The following DDX50 variants were observed in gnomAD, a reference collection of about 807,000 sequenced individuals.
DDX50 encodes DExD-box helicase 50, also known as ATP-dependent RNA helicase DDX50.
A neutral mutation model predicts 94.8 loss-of-function variants in DDX50; 56 were observed. That is an observed-to-expected ratio of 0.59 (90% CI 0.48 to 0.74). The LOEUF (loss-of-function observed/expected upper bound fraction) is 0.74, where lower values mean the gene tolerates loss of function less well. Among genes scored for constraint, DDX50 ranks in the 30% least tolerant of loss-of-function variants. The probability of loss-of-function intolerance (pLI) is 0.00; values close to 1 mark genes in which losing one functional copy is unlikely to be tolerated. For missense variants in DDX50, 713 were observed against 881.2 expected (o/e 0.81, Z 2.42); for synonymous variants, 264 against 295.4 (o/e 0.89, Z 1.09).
intron 1 of DDX50, among the ~76,000 whole-genome samples, chr10:68,903,809 A>C (rs932366104): frequency 1.3e-5 from 2 of 150,378 alleles, no homozygotes; most frequent in East Asian, 2.0e-4. Flanking sequence ...TAAAAAAAAA[A>C]CCCAAAAAAC....
At chr10:68,912,591 T>C (rs1390957697) in intron 4 of DDX50, among the ~76,000 whole-genome samples, 1 of 152,194 alleles carries the variant, frequency 6.6e-6, no homozygotes, top group Non-Finnish European at 1.5e-5. Context: ...AGGTGTTTGA[T>C]TTTGGGCAAG....
intron 10 of DDX50, among the ~76,000 whole-genome samples, chr10:68,935,718 C>A (rs1350805905): frequency 1.3e-5 from 2 of 152,004 alleles, no homozygotes; most frequent in African/African-American, 2.4e-5. Context: ...ACCTGTAATC[C>A]CAGCTACTAT....
chr10:68,901,598 C>T (rs893812433), intron 1 of DDX50, 127 bp downstream of exon 1: 1 of 997,100 alleles, frequency 1.0e-6, no homozygotes, highest in African/African-American at 1.7e-5. Context: ...CTTCGCGCCG[C>T]CCTCGGCCCT....
chr10:68,908,637 C>CT (rs1157178909), intron 2 of DDX50, among the ~76,000 whole-genome samples: 10,040 of 95,938 alleles, frequency 0.1, 984 homozygotes, highest in Non-Finnish European at 0.13. Flanking sequence ...TTAAAATTTC[C>CT]TTTTTTTTTT....
intron 8 of DDX50, among the ~76,000 whole-genome samples, chr10:68,923,187 TA>T (rs1254564787): frequency 7.0e-6 from 1 of 142,634 alleles, no homozygotes; most frequent in East Asian, 2.0e-4. Context: ...TTTTATATAT[TA>T]TTTATATATT....
Position 68,934,265 on chromosome 10 carries a change from G to C in DDX50, c.1306G>C (p.Glu436Gln). 6.2e-7 allele frequency: 1 copy of C among 1,613,120 alleles called. No individual in the cohort carries two copies. The highest frequency in any genetic ancestry group is 8.5e-7 in the Non-Finnish European group (1 of 1,179,846). Residue 436 changes from glutamate (E) to glutamine (Q), a missense_variant, in exon 9 of 15, where the codon GAA (glutamate) becomes CAA (glutamine). Coordinates refer to ENST00000373585, the MANE Select transcript of DDX50 (RefSeq NM_024045.2). This position sits in a 1 kb window ranked among gnomAD's most constrained non-coding sequence, Gnocchi z 4.0. Reference sequence around the variant, plus strand: ...AGAAATTACACTAAAAGGCTTCAGAGAAGGTAGTTTTAAAGTTTTGGTGGC... The same window carrying C: ...AGAAATTACACTAAAAGGCTTCAGACAAGGTAGTTTTAAAGTTTTGGTGGC... ...QREITLKGFR[E>Q]GSFKVLVATN... is the part of the protein sequence containing the mutation.
chr10:68,929,109 G>A (rs1350582983), intron 8 of DDX50, among the ~76,000 whole-genome samples: 1 of 151,862 alleles, frequency 6.6e-6, no homozygotes, highest in Non-Finnish European at 1.5e-5. Context: ...ACCACGCCTC[G>A]CTAATTTTTG....
Position 68,925,260 on chromosome 10 carries a change from T to C in DDX50, c.1239+5279T>C, listed in dbSNP as rs190746506. On this transcript the variant is annotated intron_variant, in intron 8 of 14. Coordinates refer to ENST00000373585, the MANE Select transcript of DDX50 (RefSeq NM_024045.2). The stretch of plus-strand genomic sequence containing the variant: ...CTGGGATGGCAGGCATGCGCCACCA[T>C]GCCCAACTAATTTTTTTTTTTTTAT... 7.0e-3 allele frequency among the ~76,000 whole-genome samples: 1,056 copies of C among 151,462 alleles called. 16 individuals carry two copies. Among genetic ancestry groups the C allele is most frequent in the African/African-American group, 0.024 (1,012 of 41,414 alleles).
intron 14 of DDX50, among the ~76,000 whole-genome samples, chr10:68,943,882 T>C (rs1398998295): frequency 6.6e-6 from 1 of 152,150 alleles, no homozygotes; most frequent in Non-Finnish European, 1.5e-5. Flanking sequence ...CAGTAAAAAA[T>C]TTGTTATTAT....
chr10:68,913,345 G>A (rs1439742584), intron 5 of DDX50, 46 bp from the exon 6 acceptor site: 1 of 1,602,156 alleles, frequency 6.2e-7, no homozygotes, highest in African/African-American at 1.3e-5. Context: ...TAAATAATGT[G>A]AAAGTTTGAA....
intron 2 of DDX50, among the ~76,000 whole-genome samples, chr10:68,909,379 T>C (rs1408532779): frequency 2.6e-5 from 4 of 152,220 alleles, no homozygotes; most frequent in Non-Finnish European, 5.9e-5. Flanking sequence ...GTAACTTGTA[T>C]ATATGTTAAA....
Position 68,928,298 on chromosome 10 carries a change from C to T in DDX50, c.1240-5901C>T, listed in dbSNP as rs142811511. Among the ~76,000 whole-genome samples, 484 of 151,780 alleles carry T rather than the reference C, an allele frequency of 3.2e-3. 3 individuals are homozygous for T. Among genetic ancestry groups the T allele is most frequent in the African/African-American group, 0.011 (458 of 41,386 alleles). ...GCCACTGCACTCCACCCTGGGCGAC[C>T]GAGTGAGACCCTGTCTCCATAATAA... is the stretch of plus-strand genomic sequence containing the variant. On this transcript the variant is annotated intron_variant, in intron 8 of 14. Transcript: ENST00000373585.
At chr10:68,931,778 C>T (rs1842281142) in intron 8 of DDX50, among the ~76,000 whole-genome samples, 1 of 152,032 alleles carries the variant, frequency 6.6e-6, no homozygotes, top group African/African-American at 2.4e-5. Flanking sequence ...TCAGTTGTTT[C>T]ATATTGTCCT....
Position 68,943,141 on chromosome 10 carries a change from A to G in DDX50, c.1891-72A>G. ...ACATTAAGCAGCCACTGAGTCATGCATTATTAGTAAAACAAAAAAAATCTA... is the reference window on the plus strand; with the variant it reads ...ACATTAAGCAGCCACTGAGTCATGCGTTATTAGTAAAACAAAAAAAATCTA... On this transcript the variant is annotated intron_variant, in intron 13 of 14. Transcript: ENST00000373585. 2.2e-6 allele frequency: 3 copies of G among 1,375,706 alleles called. 1 individual carries two copies. Among genetic ancestry groups the G allele is most frequent in the Admixed American group, 4.0e-5 (2 of 50,632 alleles). The allele number at this position is 1,375,706 out of a possible 1,614,324, so 85.2% of individuals were successfully genotyped here. A position where few individuals can be genotyped will look rare whatever the true frequency, so the allele number is the denominator to read the frequency against.
At chr10:68,931,997 C>T (rs1407925760) in intron 8 of DDX50, among the ~76,000 whole-genome samples, 1 of 152,194 alleles carries the variant, frequency 6.6e-6, no homozygotes, top group Non-Finnish European at 1.5e-5. Context: ...GTCTCAGCTT[C>T]AGTGCTGCTT....
rs1050659488 is a variant in DDX50 at position 68,934,650 on chromosome 10, C to T, written c.1402-149C>T. The T allele has an allele frequency of 1.8e-6, 2 of 1,089,634 alleles. No homozygotes were observed. Among genetic ancestry groups the T allele is most frequent in the Non-Finnish European group, 2.5e-6 (2 of 785,220 alleles). The allele number at this position is 1,089,634 out of a possible 1,614,324, so 67.5% of individuals were successfully genotyped here. A position where few individuals can be genotyped will look rare whatever the true frequency, so the allele number is the denominator to read the frequency against. On this transcript the variant is annotated intron_variant, in intron 9 of 14. Transcript: ENST00000373585. This position sits in a 1 kb window ranked among gnomAD's most constrained non-coding sequence, Gnocchi z 4.0. ...AAGGTTTTAAATCATATTGCCTTTA[C>T]CCCAAAATCCACACATATAAATTGT...
chr10:68,910,249 C>T, intron 2 of DDX50, 58 bp from the exon 3 acceptor site: 1 of 1,336,686 alleles, frequency 7.5e-7, no homozygotes, highest in South Asian at 1.3e-5. Context: ...AAATTAAAAA[C>T]AGTAAATGAG....
At chr10:68,910,462 G>A in intron 3 of DDX50, 80 bp downstream of exon 3, 5 of 1,181,474 alleles carry the variant, frequency 4.2e-6, no homozygotes, top group Non-Finnish European at 5.9e-6. Context: ...GAGTGCAGTG[G>A]GGCAGTCTTG....
At chr10:68,912,643 G>C (rs1467049003) in intron 4 of DDX50, among the ~76,000 whole-genome samples, 1 of 152,222 alleles carries the variant, frequency 6.6e-6, no homozygotes, top group Non-Finnish European at 1.5e-5. Flanking sequence ...TTACGAAAAT[G>C]GTGGCATAAT....
Sources: gnomAD v4.1 joint callset for allele counts (sites outside exome capture counted in the v4.1 genomes callset) on GRCh38, gnomAD v4.1.1 for gene constraint, Gnocchi (gnomAD v3.1) non-coding constraint, MANE v1.5 for transcripts, NCBI Gene and HGNC (gene_info 2026-07-23, HGNC 2026-07-21) for gene names.